Variants in ATP1B4 observed in about 807,000 individuals in gnomAD.
ATP1B4 encodes the protein ATPase Na+/K+ transporting family member beta 4.
In ATP1B4, 32 loss-of-function variants were observed where a neutral mutation model predicts 29.6. The observed-to-expected ratio is 1.08, with a 90% CI of 0.82 to 1.45. The LOEUF (loss-of-function observed/expected upper bound fraction) is 1.45, where lower values mean the gene tolerates loss of function less well. Among genes scored for constraint, ATP1B4 ranks in the 40% most tolerant of loss-of-function variants. ATP1B4 has a pLI of 0.00. For synonymous variants in ATP1B4, 127 were observed against 102.1 expected, an observed-to-expected ratio of 1.24 and a Z score of -1.47; for missense variants, 323 against 276.2, an observed-to-expected ratio of 1.17 and a Z score of -1.20.
chrX:120,376,503 T>C, intron 6 of ATP1B4, 67 bp downstream of exon 6: 1 of 970,910 alleles, frequency 1.0e-6, no homozygotes, highest in South Asian at 2.0e-5. Flanking sequence ...GTCCATCACT[T>C]TCAAGGACTT....
chrX:120,379,530 G>C lies in ATP1B4; in HGVS notation c.970G>C (p.Ala324Pro). ...MHFTDVVKNQ[A>P]VPVQCQLKGK... is the part of the protein sequence containing the mutation. Reference sequence around the variant, plus strand: ...CTTTACAGACGTGGTGAAGAACCAAGCAGTGCCTGTGCAGTGCCAACTGAA... The same window carrying C: ...CTTTACAGACGTGGTGAAGAACCAACCAGTGCCTGTGCAGTGCCAACTGAA... The change falls in exon 8 of 8, where the codon GCA becomes CCA. Residue 324 changes from alanine to proline, a missense_variant. Ala to Pro is a conservative substitution (Grantham distance 27). Coordinates refer to ENST00000218008, the MANE Select transcript of ATP1B4 (RefSeq NM_001142447.3). The C allele has an allele frequency of 8.3e-7, 1 of 1,211,027 alleles. No homozygotes were observed. The highest frequency in any genetic ancestry group is 1.1e-6 in the Non-Finnish European group (1 of 894,956).
intron 7 of ATP1B4, among the ~76,000 whole-genome samples, 162 bp from the exon 8 acceptor site, chrX:120,379,311 C>T (rs2058371176): frequency 8.9e-6 from 1 of 111,791 alleles, no homozygotes; most frequent in African/African-American, 3.3e-5. Context: ...CCACACTTTC[C>T]CACTGCAAGG....
chrX:120,379,607 A>G lies in ATP1B4; in HGVS notation c.1047A>G (p.Val349=). 8.3e-7 allele frequency: 1 copy of G among 1,209,547 alleles called. No individual in the cohort carries two copies. Among genetic ancestry groups the G allele is most frequent in the East Asian group, 3.0e-5 (1 of 33,736 alleles). ...TCAATGATCGTTTTGTGGGCAGGGT[A>G]ATCTTTACCCTGAACATAGAAACTT... is the stretch of plus-strand genomic sequence containing the variant. ...DVINDRFVGR[V]IFTLNIET The change falls in exon 8 of 8, where the codon GTA becomes GTG. Residue 349 remains valine (V), a synonymous_variant. Transcript: ENST00000218008.
intron 6 of ATP1B4, 103 bp downstream of exon 6, chrX:120,376,539 A>C: frequency 2.7e-6 from 2 of 729,466 alleles, no homozygotes; most frequent in East Asian, 6.5e-5. Flanking sequence ...GCTAAGGAAA[A>C]GGTTAATCTT....
At chrX:120,376,292 G>A in intron 5 of ATP1B4, 88 bp from the exon 6 acceptor site, 1 of 866,916 alleles carries the variant, frequency 1.2e-6, no homozygotes, top group East Asian at 3.2e-5. Flanking sequence ...GAGGAAGCAT[G>A]ACTGGGAGGA....
intron 1 of ATP1B4, among the ~76,000 whole-genome samples, chrX:120,362,799 G>T (rs2058268918): frequency 8.9e-6 from 1 of 112,008 alleles, no homozygotes; most frequent in South Asian, 3.7e-4. Flanking sequence ...CAGAGTACAG[G>T]AGTGACTTGC....
intron 2 of ATP1B4, among the ~76,000 whole-genome samples, chrX:120,367,140 T>C (rs2058290185): frequency 8.9e-6 from 1 of 112,399 alleles, no homozygotes; most frequent in African/African-American, 3.2e-5. Context: ...TCTCTGAGCC[T>C]CAGTTTCCTC....
At chrX:120,375,738 G>T (rs754655018) in intron 5 of ATP1B4, among the ~76,000 whole-genome samples, 170 bp downstream of exon 5, 1 of 108,276 alleles carries the variant, frequency 9.2e-6, no homozygotes, top group Non-Finnish European at 1.9e-5. Flanking sequence ...CTTCCCCCCC[G>T]CCCACCGAGC....
chrX:120,367,995 G>A (rs1044354941), intron 2 of ATP1B4, among the ~76,000 whole-genome samples: 6 of 111,897 alleles, frequency 5.4e-5, no homozygotes, highest in Middle Eastern at 9.2e-3. Context: ...GTGCACAGCT[G>A]TTTCTCCCTT....
intron 4 of ATP1B4, among the ~76,000 whole-genome samples, chrX:120,373,860 C>T (rs2058326381): frequency 9.0e-6 from 1 of 111,263 alleles, no homozygotes; most frequent in Non-Finnish European, 1.9e-5. Flanking sequence ...GCTAACTTCC[C>T]TCTGTAAAGG....
rs1432732880 is a variant in ATP1B4, at chrX:120,381,656, G to A, written c.*2022G>A. 9.0e-6 allele frequency: 1 copy of A among 111,587 alleles called. No homozygotes were observed. Among genetic ancestry groups the A allele is most frequent in the Non-Finnish European group, 1.9e-5 (1 of 53,155 alleles). 9.2% of individuals were successfully genotyped at this position (111,587 alleles called of 1,213,427 possible). Reference sequence around the variant, plus strand: ...GGCGGAGACAGGGTTTCACCATGTTGGCCAGGCTGGTCTCGAACTCCTGAC... The same window carrying A: ...GGCGGAGACAGGGTTTCACCATGTTAGCCAGGCTGGTCTCGAACTCCTGAC... On this transcript the variant is annotated 3_prime_UTR_variant, in exon 8 of 8. Coordinates refer to ENST00000218008, the MANE Select transcript of ATP1B4 (RefSeq NM_001142447.3).
chrX:120,373,917 C>T (rs763679789), intron 4 of ATP1B4, among the ~76,000 whole-genome samples: 37 of 110,006 alleles, frequency 3.4e-4, no homozygotes, highest in Admixed American at 8.8e-4. Context: ...TCCTGCTCCA[C>T]CTCCTTCTCC....
Position 120,362,117 on chromosome X carries a change from G to C in ATP1B4, c.-52G>C, listed in dbSNP as rs2058263550. 17 of 1,117,877 alleles carry C rather than the reference G, an allele frequency of 1.5e-5. No homozygotes were observed. In the South Asian group the frequency reaches 3.1e-4, roughly 20 times the overall value. The allele number at this position is 1,117,877 out of a possible 1,213,427, so 92.1% of individuals were successfully genotyped here. ...GTCTCCTGTACCAGCAGAAGCTCCA[G>C]AACTCTCACCCGATTGCCTGCCTCT... On this transcript the variant is annotated 5_prime_UTR_variant, in exon 1 of 8. Coordinates refer to ENST00000218008, the MANE Select transcript of ATP1B4 (RefSeq NM_001142447.3).
At chrX:120,367,229 T>C (rs2058290696) in intron 2 of ATP1B4, among the ~76,000 whole-genome samples, 1 of 111,821 alleles carries the variant, frequency 8.9e-6, no homozygotes, top group Non-Finnish European at 1.9e-5. Flanking sequence ...ATGTTAAAAC[T>C]GTAAAGTTTA....
rs762512442 is a variant in ATP1B4, at chrX:120,366,486, T to G, written c.64-39T>G. ...CTGGTGGGATGCACCATTGTACATT[T>G]TTTTTCAAAAAGGGTATTGTGTTTT... On this transcript the variant is annotated intron_variant, in intron 1 of 7. Transcript: ENST00000218008. The G allele has an allele frequency of 3.4e-6, 4 of 1,175,423 alleles. No homozygotes were observed. In the East Asian group the frequency reaches 9.0e-5, roughly 26 times the overall value.
chrX:120,365,233 G>A (rs1009261166), intron 1 of ATP1B4, among the ~76,000 whole-genome samples: 7 of 112,027 alleles, frequency 6.2e-5, no homozygotes, highest in African/African-American at 2.3e-4. Context: ...GAAGGTCTCT[G>A]TCGGTTCTGA....
rs867842204 is a variant in ATP1B4 at position 120,380,781 on chromosome X, A to C, written c.*1147A>C. Reference sequence around the variant, plus strand: ...GAACGTTCCTTGCCAGGCCAGGCAAAAGCCAAGGCCCATTAGCCAGTTTAG... The same window carrying C: ...GAACGTTCCTTGCCAGGCCAGGCAACAGCCAAGGCCCATTAGCCAGTTTAG... On this transcript the variant is annotated 3_prime_UTR_variant, in exon 8 of 8. Transcript: ENST00000218008. 17 of 112,497 alleles carry C rather than the reference A, an allele frequency of 1.5e-4. No individual in the cohort carries two copies. Among genetic ancestry groups the C allele is most frequent in the African/African-American group, 5.5e-4 (17 of 30,931 alleles). The allele number at this position is 112,497 out of a possible 1,213,427, so 9.3% of individuals were successfully genotyped here. A position where few individuals can be genotyped will look rare whatever the true frequency, so the allele number is the denominator to read the frequency against.
chrX:120,378,993 G>A (rs775014833), intron 7 of ATP1B4, among the ~76,000 whole-genome samples: 4 of 111,154 alleles, frequency 3.6e-5, no homozygotes, highest in Non-Finnish European at 7.5e-5. Context: ...TTAAGTTTAC[G>A]AATGGGAAAA....
At chrX:120,367,549 G>A (rs1020966937) in intron 2 of ATP1B4, among the ~76,000 whole-genome samples, 1 of 111,663 alleles carries the variant, frequency 9.0e-6, no homozygotes, top group African/African-American at 3.3e-5. Context: ...TTCTCCTCAG[G>A]AGATTTAGCC....
Sources: gnomAD v4.1 joint callset for allele counts (sites outside exome capture counted in the v4.1 genomes callset) on GRCh38, gnomAD v4.1.1 for gene constraint, MANE v1.5 for transcripts, NCBI Gene and HGNC (gene_info 2026-07-23, HGNC 2026-07-21) for gene names.